Variants in CNTN5 observed in about 807,000 individuals in gnomAD.
CNTN5 encodes contactin-5.
In CNTN5, 77 loss-of-function variants were observed where a neutral mutation model predicts 129.1. The ratio of observed to expected loss-of-function variants is 0.60; its 90% CI spans 0.50 to 0.72. The LOEUF is 0.72. Ranked by LOEUF, CNTN5 falls within the 30% of genes least tolerant of loss-of-function variation. The pLI is 0.00. For missense variants in CNTN5, 1,478 were observed against 1,328.8 expected (o/e 1.11, Z -1.75); for synonymous variants, 509 against 465.6 (o/e 1.09, Z -1.20).
chr11:99,628,296 GT>G (rs1172889131), intron 3 of CNTN5, among the ~76,000 whole-genome samples: 1 of 151,870 alleles, frequency 6.6e-6, no homozygotes, highest in African/African-American at 2.4e-5. Context: ...TTCTTTAACT[GT>G]TTTTAAGAGA....
chr11:100,218,502 A>G (rs1224447303), intron 15 of CNTN5, among the ~76,000 whole-genome samples: 1 of 152,140 alleles, frequency 6.6e-6, no homozygotes, highest in Non-Finnish European at 1.5e-5. Flanking sequence ...AGCAGGACCA[A>G]CCTCATGGGC....
chr11:100,337,235 T>A lies in CNTN5; in HGVS notation c.2731-3228T>A, dbSNP rs1952055555. 3 of 1,539,198 alleles carry A rather than the reference T, an allele frequency of 1.9e-6. No homozygotes were observed. In the South Asian group the frequency reaches 3.3e-5, roughly 17 times the overall value. ...GTTCCTCCAGAAACATATGTGAAAG[T>A]GGCAGGCCACCTGAGATCTTTTCAG... On this transcript the variant is annotated intron_variant, in intron 21 of 24. Coordinates refer to ENST00000524871, the MANE Select transcript of CNTN5 (RefSeq NM_014361.4).
chr11:100,060,295 A>G (rs963147534), intron 9 of CNTN5, among the ~76,000 whole-genome samples: 1 of 152,106 alleles, frequency 6.6e-6, no homozygotes, highest in Non-Finnish European at 1.5e-5. Flanking sequence ...TGGTACATCT[A>G]TACAATGAAA....
chr11:99,387,543 A>G (rs997089638), intron 2 of CNTN5, among the ~76,000 whole-genome samples: 3 of 152,202 alleles, frequency 2.0e-5, no homozygotes, highest in African/African-American at 7.2e-5. Context: ...GAAAGTTCAT[A>G]CTATCCAGCT....
chr11:99,519,584 A>G (rs975427174), intron 2 of CNTN5, among the ~76,000 whole-genome samples: 1 of 152,050 alleles, frequency 6.6e-6, no homozygotes, highest in Non-Finnish European at 1.5e-5. Context: ...CCTTCTAATT[A>G]TGCTCTCATT....
At chr11:99,515,910 G>T (rs1300297967) in intron 2 of CNTN5, among the ~76,000 whole-genome samples, 6 of 150,242 alleles carry the variant, frequency 4.0e-5, no homozygotes, top group African/African-American at 1.5e-4. Flanking sequence ...CTACATTGTA[G>T]AGAGTCATAC....
chr11:99,167,417 G>A (rs1860924051), intron 1 of CNTN5, among the ~76,000 whole-genome samples: 1 of 151,718 alleles, frequency 6.6e-6, no homozygotes, highest in Admixed American at 6.6e-5. Flanking sequence ...TATTATCAGT[G>A]GCTAATTTGA....
At chr11:99,125,530 T>C (rs1018976886) in intron 1 of CNTN5, among the ~76,000 whole-genome samples, 33 of 152,142 alleles carry the variant, frequency 2.2e-4, no homozygotes, top group Non-Finnish European at 4.0e-4. Context: ...AGCATTTCCC[T>C]GAAAACTGGA....
intron 4 of CNTN5, among the ~76,000 whole-genome samples, chr11:99,841,315 C>T (rs185316212): frequency 9.9e-5 from 15 of 152,228 alleles, no homozygotes; most frequent in African/African-American, 3.6e-4. Flanking sequence ...TCTTACTTCT[C>T]TAGTTTTCCC....
chr11:99,582,583 C>A (rs1464345890), intron 3 of CNTN5, among the ~76,000 whole-genome samples: 8 of 152,190 alleles, frequency 5.3e-5, no homozygotes, highest in African/African-American at 1.9e-4. Flanking sequence ...ATTTCGTCTT[C>A]CATCGCTGAT....
rs765880693 is a variant in CNTN5 at position 100,191,154 on chromosome 11, C to T, written c.1609C>T (p.Arg537Trp). The change falls in exon 14 of 25, where the codon CGG becomes TGG. Residue 537 changes from arginine to tryptophan, a missense_variant. By Grantham distance (101) the Arg-to-Trp change is moderately radical (BLOSUM62 -3). Transcript: ENST00000524871. ...RIAILPDGSL[R>W]ILNASKSDEG... is the part of the protein sequence containing the mutation. ...AGCTATTCTTCCAGACGGGAGTCTA[C>T]GGATCCTAAATGCTTCCAAATCAGA... 15 of 1,607,994 alleles carry T rather than the reference C, an allele frequency of 9.3e-6. No homozygotes were observed. Among genetic ancestry groups the T allele is most frequent in the Admixed American group, 3.4e-5 (2 of 59,512 alleles).
intron 3 of CNTN5, among the ~76,000 whole-genome samples, chr11:99,713,558 A>G (rs1955091872): frequency 6.6e-6 from 1 of 151,866 alleles, no homozygotes. Flanking sequence ...TGCTGGGGTA[A>G]ATTGCAGAAA....
chr11:99,662,682 A>T (rs927526381), intron 3 of CNTN5, among the ~76,000 whole-genome samples: 9 of 152,210 alleles, frequency 5.9e-5, no homozygotes, highest in Admixed American at 1.3e-4. Flanking sequence ...ATTATATTCT[A>T]ATTTTAGGAG....
At chr11:99,944,294 A>G (rs1950508477) in intron 7 of CNTN5, among the ~76,000 whole-genome samples, 1 of 152,100 alleles carries the variant, frequency 6.6e-6, no homozygotes, top group Non-Finnish European at 1.5e-5. Flanking sequence ...AACAAATTCA[A>G]AAGCTAGCAG....
At chr11:99,718,859 G>A (rs1045354744) in intron 3 of CNTN5, among the ~76,000 whole-genome samples, 4 of 152,090 alleles carry the variant, frequency 2.6e-5, no homozygotes, top group African/African-American at 9.7e-5. Context: ...AGGTCCTGTA[G>A]TAGTAAGGCC....
chr11:100,002,348 C>G (rs1414490040), intron 9 of CNTN5, among the ~76,000 whole-genome samples: 6 of 151,964 alleles, frequency 3.9e-5, no homozygotes, highest in South Asian at 2.1e-4. Context: ...TATAATTTTG[C>G]TATTTTAACA....
At chr11:99,205,930 T>G (rs1192905298) in intron 1 of CNTN5, among the ~76,000 whole-genome samples, 1 of 152,170 alleles carries the variant, frequency 6.6e-6, no homozygotes, top group Non-Finnish European at 1.5e-5. Flanking sequence ...ATTGATAGTT[T>G]CGCTGGTGAT....
intron 13 of CNTN5, among the ~76,000 whole-genome samples, chr11:100,099,434 T>C (rs12281420): frequency 0.011 from 1,739 of 152,198 alleles, 38 homozygotes; most frequent in African/African-American, 0.039. Flanking sequence ...TCTACCCTCA[T>C]TCCTGCATCC....
chr11:99,357,689 T>A (rs183652326), intron 2 of CNTN5, among the ~76,000 whole-genome samples: 289 of 152,240 alleles, frequency 1.9e-3, no homozygotes, highest in African/African-American at 6.7e-3. Flanking sequence ...CATGTGAAAA[T>A]GGACAAGTGT....
Sources: allele counts gnomAD v4.1 joint callset (sites outside exome capture counted in the v4.1 genomes callset), GRCh38; gene constraint gnomAD v4.1.1; transcripts MANE v1.5; gene names NCBI Gene and HGNC (gene_info 2026-07-23, HGNC 2026-07-21).